PLEKHG5: variants seen among roughly 807,000 people sequenced by gnomAD.
PLEKHG5 encodes pleckstrin homology and RhoGEF domain containing G5, also known as pleckstrin homology domain-containing family G member 5.
PLEKHG5 carries 52 observed loss-of-function variants against 103.8 expected under a neutral mutation model. The ratio of observed to expected loss-of-function variants is 0.50; its 90% CI spans 0.40 to 0.63. The LOEUF is 0.63. Among genes scored for constraint, PLEKHG5 ranks in the 30% least tolerant of loss-of-function variants. PLEKHG5 has a pLI of 0.00. For missense variants in PLEKHG5, 1,205 were observed against 1,347.6 expected (o/e 0.89, Z 1.66); for synonymous variants, 592 against 575.5 (o/e 1.03, Z -0.41).
At chr1:6,469,771 CAA>C (rs1360591503) in intron 16 of PLEKHG5, 95 bp from the exon 17 acceptor site, 2 of 1,154,066 alleles carry the variant, frequency 1.7e-6, no homozygotes, top group Non-Finnish European at 2.5e-6. Flanking sequence ...CGGTTTTTGT[CAA>C]ACACTCCTCC....
chr1:6,490,412 C>G lies in PLEKHG5; in HGVS notation c.-88+1225G>C. ...CCTGGCGCCTAGTCCCACCCCCCGT[C>G]CGGAGCGCAGCTCCCACTTCCCCGC... On this transcript the variant is annotated intron_variant, in intron 1 of 20. Transcript: ENST00000377728. The surrounding 1 kb of genome is among the most constrained non-coding windows in gnomAD (Gnocchi z 8.0). The G allele has an allele frequency of 3.1e-6, 3 of 980,778 alleles. No homozygotes were observed. The highest frequency in any genetic ancestry group is 3.6e-6 in the Non-Finnish European group (3 of 825,786). The allele number at this position is 980,778 out of a possible 1,614,324, so 60.8% of individuals were successfully genotyped here.
At chr1:6,516,866 GTATA>G (rs1181957258) in intron 1 of PLEKHG5, among the ~76,000 whole-genome samples, 247 of 25,872 alleles carry the variant, frequency 9.5e-3, no homozygotes, top group Admixed American at 0.016. Context: ...GTATATATGT[GTATA>G]TATATATATA....
chr1:6,471,162 G>A (rs552500454), intron 12 of PLEKHG5, 62 bp from the exon 13 acceptor site: 7 of 1,331,376 alleles, frequency 5.3e-6, no homozygotes, highest in East Asian at 2.5e-5. Flanking sequence ...GCCGGCCCGC[G>A]CCAGGCGCTG....
intron 1 of PLEKHG5, among the ~76,000 whole-genome samples, chr1:6,511,316 G>A (rs1638465028): frequency 6.6e-6 from 1 of 152,142 alleles, no homozygotes; most frequent in African/African-American, 2.4e-5. Flanking sequence ...GTGCTGCTGG[G>A]GTGGGGGATG....
rs1471401092 is a variant in PLEKHG5 at position 6,491,419 on chromosome 1, C to A, written c.-88+218G>T. On this transcript the variant is annotated intron_variant, in intron 1 of 20. Transcript: ENST00000377728. The surrounding 1 kb of genome is among the most constrained non-coding windows in gnomAD (Gnocchi z 4.1). ...GGATCCCCACGTCTTCACCTGCTCC[C>A]CCAAAACTACTTAGCCAAAACCCAG... Among the ~76,000 whole-genome samples, 1 of 152,192 alleles carries A rather than the reference C, an allele frequency of 6.6e-6. No homozygotes were observed. The highest frequency in any genetic ancestry group is 1.5e-5 in the Non-Finnish European group (1 of 68,044).
At position 6,474,131 on chromosome 1, in the gene PLEKHG5, T is replaced by C. The variant is rs1644685629; in HGVS notation, c.473A>G (p.Glu158Gly). The change falls in exon 7 of 21, where the codon GAG (glutamate) becomes GGG (glycine). Residue 158 changes from glutamate to glycine, a missense_variant. Physicochemically the swap from Glu to Gly is moderately conservative, Grantham distance 98. Transcript: ENST00000377728. ...PAKPGDEGKV[E>G]QGMKDSKSLS... The stretch of plus-strand genomic sequence containing the variant: ...GGACTTGGAGTCCTTCATGCCCTGC[T>C]CCACCTTGCCCTCATCTCCAGGCTT... 2 of 1,613,562 alleles carry C rather than the reference T, an allele frequency of 1.2e-6. No homozygotes were observed. The highest frequency in any genetic ancestry group is 1.7e-6 in the Non-Finnish European group (2 of 1,179,958).
chr1:6,495,817 G>A (rs566702627), upstream of PLEKHG5, among the ~76,000 whole-genome samples: 6 of 152,350 alleles, frequency 3.9e-5, no homozygotes, highest in Non-Finnish European at 5.9e-5. Flanking sequence ...TCTGGAAAAC[G>A]GGGTGACGAT....
At chr1:6,467,787 CCT>C (rs771970636) in intron 20 of PLEKHG5, 36 bp downstream of exon 20, 34 of 1,609,960 alleles carry the variant, frequency 2.1e-5, no homozygotes, top group Middle Eastern at 3.5e-4. Flanking sequence ...ATGCCAGTGC[CCT>C]GAGCCACCTG....
chr1:6,498,049 G>A (rs1434080782), upstream of PLEKHG5, among the ~76,000 whole-genome samples: 1 of 145,316 alleles, frequency 6.9e-6, no homozygotes, highest in Non-Finnish European at 1.5e-5. Flanking sequence ...CCAACACATC[G>A]ATTCGTCTGC....
chr1:6,485,401 T>C, intron 1 of PLEKHG5: 2 of 1,365,638 alleles, frequency 1.5e-6, no homozygotes, highest in Non-Finnish European at 9.4e-7. Flanking sequence ...GGGCCCGGCC[T>C]GGAGGCTGCT....
At chr1:6,515,171 C>G (rs1157614927) in intron 1 of PLEKHG5, among the ~76,000 whole-genome samples, 2 of 152,230 alleles carry the variant, frequency 1.3e-5, no homozygotes, top group East Asian at 3.8e-4. Flanking sequence ...TCAGTAGGAA[C>G]TCTGCTTCCA....
Position 6,469,060 on chromosome 1 carries a change from C to A in PLEKHG5, c.2231G>T (p.Ser744Ile), listed in dbSNP as rs1332716145. 1.2e-6 allele frequency: 2 copies of A among 1,613,518 alleles called. No individual in the cohort carries two copies. Among genetic ancestry groups the A allele is most frequent in the Middle Eastern group, 3.3e-4 (2 of 6,060 alleles). ...GACGTACCAGTGCTGAGAGTCGGGG[C>A]TGCCGCTGCTTTTCCGCATGATGGT... ...SPTIMRKSSGSPDSQHCASDG... is the reference protein window; with the variant it reads ...SPTIMRKSSGIPDSQHCASDG... Residue 744 changes from serine (S) to isoleucine (I), a missense_variant, in exon 19 of 21, where the codon AGC (serine) becomes ATC (isoleucine). Coordinates refer to ENST00000377728, the MANE Select transcript of PLEKHG5 (RefSeq NM_020631.6).
upstream of PLEKHG5, chr1:6,496,530 TGACAGC>T: frequency 1.2e-6 from 2 of 1,603,358 alleles, no homozygotes; most frequent in Non-Finnish European, 1.7e-6. Flanking sequence ...GGCGGGGTTC[TGACAGC>T]GCAGTCCCTT....
At chr1:6,509,933 C>T (rs992434811) in intron 1 of PLEKHG5, among the ~76,000 whole-genome samples, 1 of 152,192 alleles carries the variant, frequency 6.6e-6, no homozygotes, top group Admixed American at 6.5e-5. Flanking sequence ...CGTTCCTCCC[C>T]GTCCCCAGGC....
At chr1:6,497,572 C>T (rs1160771563), upstream of PLEKHG5, 1 of 152,724 alleles carries the variant, frequency 6.5e-6, no homozygotes, top group Non-Finnish European at 1.5e-5. The surrounding 1 kb of genome is among the most constrained non-coding windows in gnomAD (Gnocchi z 6.1). Context: ...GCGCTGCGGT[C>T]CGGAGGCTGC....
At chr1:6,516,862 A>ATGTGTGTG (rs372208282) in intron 1 of PLEKHG5, among the ~76,000 whole-genome samples, 154 of 24,322 alleles carry the variant, frequency 6.3e-3, no homozygotes, top group Non-Finnish European at 0.016. Flanking sequence ...GTGTGTATAT[A>ATGTGTGTG]TGTGTATATA....
Position 6,490,651 on chromosome 1 carries a change from A to C in PLEKHG5, c.-88+986T>G, listed in dbSNP as rs911718182. ...CACCTGGACCGGCCGGGATGTACCA[A>C]CGGCGCCGCCCGGCTGGGACCGGGG... On this transcript the variant is annotated intron_variant, in intron 1 of 20. Transcript: ENST00000377728. The surrounding 1 kb of genome is among the most constrained non-coding windows in gnomAD (Gnocchi z 8.0). 74 of 965,284 alleles carry C rather than the reference A, an allele frequency of 7.7e-5. No individual in the cohort carries two copies. The African/African-American group carries it at 1.1e-3, about 15-fold the overall frequency. 59.8% of individuals were successfully genotyped at this position (965,284 alleles called of 1,614,324 possible).
Position 6,473,049 on chromosome 1 carries a change from CTCGTCT to C in PLEKHG5, c.915_920del (p.Glu309_Asp310del). 6.2e-7 allele frequency: 1 copy of C among 1,613,950 alleles called. No individual in the cohort carries two copies. The highest frequency in any genetic ancestry group is 8.5e-7 in the Non-Finnish European group (1 of 1,179,906). ...GCCTCAGGCAGGCATTGTCCTCATC[CTCGTCT>C]TCATCGTACTCCTCCTCCCAGGAGT... On this transcript the variant is annotated inframe_deletion, in exon 9 of 21. Coordinates refer to ENST00000377728, the MANE Select transcript of PLEKHG5 (RefSeq NM_020631.6).
Position 6,469,252 on chromosome 1 carries a change from G to C in PLEKHG5, c.2050-11C>G, listed in dbSNP as rs926002844. 5.6e-6 allele frequency: 9 copies of C among 1,613,822 alleles called. No individual in the cohort carries two copies. The highest frequency in any genetic ancestry group is 3.3e-5 in the South Asian group (3 of 91,092). On this transcript the variant is annotated splice_polypyrimidine_tract_variant and intron_variant, in intron 18 of 20. Transcript: ENST00000377728. ...CTGTTGCAGCTGGTTCTGCAGGCAA[G>C]GTTGGGGTACATGGGACAGAATGGG...
Sources: gnomAD v4.1 joint callset for allele counts (sites outside exome capture counted in the v4.1 genomes callset) on GRCh38, gnomAD v4.1.1 for gene constraint, Gnocchi (gnomAD v3.1) non-coding constraint, MANE v1.5 for transcripts, NCBI Gene and HGNC (gene_info 2026-07-23, HGNC 2026-07-21) for gene names.